GDF1: variants seen among roughly 807,000 people sequenced by gnomAD.
GDF1 encodes the protein embryonic growth/differentiation factor 1.
A neutral mutation model predicts 7.4 loss-of-function variants in GDF1; 8 were observed. The observed-to-expected ratio is 1.09, with a 90% CI of 0.64 to 1.96. The LOEUF (loss-of-function observed/expected upper bound fraction) is 1.96, where lower values mean the gene tolerates loss of function less well. Among genes scored for constraint, GDF1 ranks in the 30% most tolerant of loss-of-function variants. GDF1 has a pLI of 0.00. For missense variants in GDF1, 574 were observed against 551.5 expected (o/e 1.04, Z -0.41); for synonymous variants, 311 against 276.7 (o/e 1.12, Z -1.23).
chr19:18,876,332 CTTT>C (rs1330248523), intron 6 of GDF1, among the ~76,000 whole-genome samples: 2 of 151,480 alleles, frequency 1.3e-5, no homozygotes, highest in East Asian at 4.0e-4. Flanking sequence ...TTAAAATAAA[CTTT>C]TTTGTTTGTT....
Position 18,895,821 on chromosome 19 carries a change from G to C in GDF1, c.-1074+3C>G. The stretch of plus-strand genomic sequence containing the variant: ...CCTCGTCCCGGCCCCCGGCCACACT[G>C]ACCCGAAAGAGGCGCGCAGTGGCCG... On this transcript the variant is annotated splice_donor_region_variant and intron_variant, in intron 1 of 7. Transcript: ENST00000247005. The surrounding 1 kb of genome is among the most constrained non-coding windows in gnomAD (Gnocchi z 6.4). 7.9e-7 allele frequency: 1 copy of C among 1,269,234 alleles called. No homozygotes were observed. The highest frequency in any genetic ancestry group is 9.9e-7 in the Non-Finnish European group (1 of 1,005,266). The allele number at this position is 1,269,234 out of a possible 1,614,324, so 78.6% of individuals were successfully genotyped here.
At position 18,870,013 on chromosome 19, in the gene GDF1, C is replaced by A. The variant is rs1311350605; in HGVS notation, c.295G>T (p.Gly99Ter). ...TCCGGGATGTGGCGCACGATGTTTC[C>A]GGCGACCCCCAGCTCCTCCACGTGG... ...PCHVEELGVA[G>*]NIVRHIPDRG... The change falls in exon 7 of 8, where the codon GGA becomes TGA. Residue 99 changes from glycine (G) to a stop codon, truncating the protein, a stop_gained. Coordinates refer to ENST00000247005, the MANE Select transcript of GDF1 (RefSeq NM_001492.6). LOFTEE classifies it low-confidence loss of function (END_TRUNC). The surrounding 1 kb of genome is among the most constrained non-coding windows in gnomAD (Gnocchi z 5.1). 1 of 1,596,740 alleles carries A rather than the reference C, an allele frequency of 6.3e-7. No homozygotes were observed. The highest frequency in any genetic ancestry group is 1.7e-5 in the Admixed American group (1 of 58,442).
intron 7 of GDF1, 133 bp from the exon 8 acceptor site, chr19:18,869,523 G>A: frequency 8.0e-7 from 1 of 1,249,946 alleles, no homozygotes; most frequent in Non-Finnish European, 1.1e-6. Flanking sequence ...GTGAAGCGGC[G>A]GGGTGGGCTG....
In GDF1 at chr19:18,884,072, C is replaced by A; in HGVS notation, c.-733+15G>T. On this transcript the variant is annotated intron_variant, in intron 3 of 7. Coordinates refer to ENST00000247005, the MANE Select transcript of GDF1 (RefSeq NM_001492.6). ...GGCTGTGCCTCGGCCCCCTGCCACC[C>A]GATCCTGTCCTTACCGGAAGGCGTA... is the stretch of plus-strand genomic sequence containing the variant. The A allele has an allele frequency of 6.2e-7, 1 of 1,604,598 alleles. No individual in the cohort carries two copies. The highest frequency in any genetic ancestry group is 8.5e-7 in the Non-Finnish European group (1 of 1,173,528).
At chr19:18,886,560 AAAACAAAC>A (rs930862677) in intron 2 of GDF1, among the ~76,000 whole-genome samples, 3 of 152,152 alleles carry the variant, frequency 2.0e-5, no homozygotes, top group African/African-American at 7.2e-5. Context: ...GTCTCAAAAC[AAAACAAAC>A]AAACAAACAA....
chr19:18,885,771 G>A (rs148053628), intron 2 of GDF1, among the ~76,000 whole-genome samples: 3,882 of 151,550 alleles, frequency 0.026, 168 homozygotes, highest in African/African-American at 0.089. Flanking sequence ...CGCCCGCCTC[G>A]GCCTCCCAAA....
At chr19:18,869,489 G>T (rs186263243) in intron 7 of GDF1, 99 bp from the exon 8 acceptor site, 2 of 1,436,088 alleles carry the variant, frequency 1.4e-6, no homozygotes, top group African/African-American at 1.5e-5. Flanking sequence ...CTGGGGCTCG[G>T]GGCGCACCGT....
chr19:18,869,163 G>A lies in GDF1; in HGVS notation c.553C>T (p.Gln185Ter). The A allele has an allele frequency of 8.8e-7, 1 of 1,139,592 alleles. No homozygotes were observed. Among genetic ancestry groups the A allele is most frequent in the Non-Finnish European group, 1.1e-6 (1 of 928,556 alleles). The allele number at this position is 1,139,592 out of a possible 1,614,324, so 70.6% of individuals were successfully genotyped here. Residue 185 changes from glutamine (Q) to a stop codon, truncating the protein, a stop_gained, in exon 8 of 8, where the codon CAG becomes TAG. Transcript: ENST00000247005. LOFTEE classifies it low-confidence loss of function (END_TRUNC). ...GGCGGCCCCAGGGCGGGCACCAACTGGCGGAGCAGCACCGGCCCGGGGTCC... is the reference window on the plus strand; with the variant it reads ...GGCGGCCCCAGGGCGGGCACCAACTAGCGGAGCAGCACCGGCCCGGGGTCC... The part of the protein sequence containing the change: ...GADPGPVLLR[Q>*]LVPALGPPVR...
chr19:18,869,974 C>G lies in GDF1; in HGVS notation c.325+9G>C. The G allele has an allele frequency of 3.8e-6, 6 of 1,580,318 alleles. No homozygotes were observed. The highest frequency in any genetic ancestry group is 5.2e-6 in the Non-Finnish European group (6 of 1,164,864). ...CAGGACCAGTGTCCCCAGCGAAAGCCCCACTCACCGCGGTCCGGGATGTGG... is the reference window on the plus strand; with the variant it reads ...CAGGACCAGTGTCCCCAGCGAAAGCGCCACTCACCGCGGTCCGGGATGTGG... On this transcript the variant is annotated intron_variant, in intron 7 of 7. Coordinates refer to ENST00000247005, the MANE Select transcript of GDF1 (RefSeq NM_001492.6).
At chr19:18,880,796 C>T in intron 3 of GDF1, among the ~76,000 whole-genome samples, 1 of 151,980 alleles carries the variant, frequency 6.6e-6, no homozygotes, top group East Asian at 1.9e-4. Context: ...CTCCTAGGCT[C>T]AAGTGATCCT....
rs754571030 is a variant in GDF1 at position 18,868,629 on chromosome 19, C to T, written c.1087G>A (p.Asp363Asn). The T allele has an allele frequency of 2.5e-6, 4 of 1,572,960 alleles. No homozygotes were observed. The highest frequency in any genetic ancestry group is 2.3e-5 in the East Asian group (1 of 42,808). The change falls in exon 8 of 8, where the codon GAC (aspartate) becomes AAC (asparagine). Residue 363 changes from aspartate (D) to asparagine (N), a missense_variant. Physicochemically the swap from Asp to Asn is conservative, Grantham distance 23 (BLOSUM62 1). Coordinates refer to ENST00000247005, the MANE Select transcript of GDF1 (RefSeq NM_001492.6). ...SDNVVLRQYE[D>N]MVVDECGCR is the part of the protein sequence containing the mutation. ...CAGCCGCACTCGTCCACCACCATGTCCTCATACTGCCGCAGCACCACGTTG... is the reference window on the plus strand; with the variant it reads ...CAGCCGCACTCGTCCACCACCATGTTCTCATACTGCCGCAGCACCACGTTG...
intron 6 of GDF1, among the ~76,000 whole-genome samples, chr19:18,877,736 G>A (rs1288101063): frequency 7.7e-6 from 1 of 129,504 alleles, no homozygotes; most frequent in African/African-American, 3.0e-5. Flanking sequence ...CAGCCTGGAC[G>A]ACAGAGTGAG....
intron 6 of GDF1, among the ~76,000 whole-genome samples, chr19:18,872,192 ATCAGAGCTTTCCTGCTGAT>A (rs2145993548): frequency 6.6e-6 from 1 of 152,308 alleles, no homozygotes; most frequent in South Asian, 2.1e-4. Context: ...GGGGCTTTTT[ATCAGAGCTTTCCTGCTGAT>A]TCTTGTTTGT....
intron 2 of GDF1, among the ~76,000 whole-genome samples, chr19:18,885,511 GTTTTTTTTTTT>G (rs59793456): frequency 2.3e-4 from 5 of 22,122 alleles, no homozygotes; most frequent in African/African-American, 5.7e-4. Flanking sequence ...GCCCCTTCTC[GTTTTTTTTTTT>G]TTTTTTTTTT....
chr19:18,886,436 C>G (rs1484042339), intron 2 of GDF1, among the ~76,000 whole-genome samples: 3 of 152,020 alleles, frequency 2.0e-5, no homozygotes, highest in Non-Finnish European at 4.4e-5. Context: ...GTGGTCCCAG[C>G]TACTCGGGAG....
rs1049663237 is a variant in GDF1, at chr19:18,879,332, C to T, written c.-514G>A. 11 of 1,605,748 alleles carry T rather than the reference C, an allele frequency of 6.9e-6. No homozygotes were observed. Among genetic ancestry groups the T allele is most frequent in the Admixed American group, 6.8e-5 (4 of 58,410 alleles). ...GATGTCAGGCACCGTGCGCAGACTG[C>T]AGTGACTGGTGGCATACAGGACCTT... is the stretch of plus-strand genomic sequence containing the variant. On this transcript the variant is annotated 5_prime_UTR_variant, in exon 5 of 8. Transcript: ENST00000247005.
chr19:18,869,664 C>T (rs2055927899), intron 7 of GDF1, among the ~76,000 whole-genome samples: 2 of 150,322 alleles, frequency 1.3e-5, no homozygotes, highest in South Asian at 2.1e-4. Context: ...AGAACCTGGG[C>T]CCCTGGGGAA....
chr19:18,885,912 C>T (rs1568302998), intron 2 of GDF1, among the ~76,000 whole-genome samples: 1 of 152,198 alleles, frequency 6.6e-6, no homozygotes, highest in African/African-American at 2.4e-5. Flanking sequence ...CCCACGGAGT[C>T]TTGCCATGCC....
chr19:18,868,740 C>T lies in GDF1; in HGVS notation c.976G>A (p.Ala326Thr), dbSNP rs894657723. Reference protein sequence around the residue: ...NHAVLRALMHAAAPGAADLPC... With the variant: ...NHAVLRALMHTAAPGAADLPC... ...AGGTCGGCGGCTCCCGGGGCGGCCG[C>T]GTGCATGAGCGCGCGCAGCACAGCG... The change falls in exon 8 of 8, where the codon GCG (alanine) becomes ACG (threonine). Residue 326 changes from alanine to threonine, a missense_variant. Physicochemically the swap from Ala to Thr is moderately conservative, Grantham distance 58 (BLOSUM62 0). Transcript: ENST00000247005. The T allele has an allele frequency of 2.4e-5, 36 of 1,527,072 alleles. No individual in the cohort carries two copies. The highest frequency in any genetic ancestry group is 3.2e-5 in the Non-Finnish European group (36 of 1,133,166). The allele number at this position is 1,527,072 out of a possible 1,614,324, so 94.6% of individuals were successfully genotyped here.
Sources: allele counts gnomAD v4.1 joint callset (sites outside exome capture counted in the v4.1 genomes callset), GRCh38; gene constraint gnomAD v4.1.1; non-coding constraint Gnocchi (gnomAD v3.1); transcripts MANE v1.5; gene names NCBI Gene and HGNC (gene_info 2026-07-23, HGNC 2026-07-21).